Variants in TTC7B observed in about 807,000 individuals in gnomAD.
The protein encoded by TTC7B is tetratricopeptide repeat protein 7B.
Under a neutral mutation model 106.8 loss-of-function variants are expected in TTC7B, and 28 were observed. The ratio of observed to expected loss-of-function variants is 0.26; its 90% CI spans 0.19 to 0.36. The LOEUF is 0.36. Among genes scored for constraint, TTC7B ranks in the 10% least tolerant of loss-of-function variants. The probability of loss-of-function intolerance (pLI) is 1.00; values close to 1 mark genes in which losing one functional copy is unlikely to be tolerated. For missense variants in TTC7B, 862 were observed against 1,076.4 expected, an observed-to-expected ratio of 0.80 and a Z score of 2.79; for synonymous variants, 405 against 430.6, an observed-to-expected ratio of 0.94 and a Z score of 0.74.
At chr14:90,660,035 T>C (rs1371848612) in intron 9 of TTC7B, among the ~76,000 whole-genome samples, 4 of 151,524 alleles carry the variant, frequency 2.6e-5, no homozygotes, top group African/African-American at 9.7e-5. Context: ...TCTGTAAAGA[T>C]GGAATGAGGT....
intron 7 of TTC7B, among the ~76,000 whole-genome samples, 171 bp downstream of exon 7, chr14:90,689,369 G>A (rs1887375497): frequency 6.6e-6 from 1 of 152,208 alleles, no homozygotes; most frequent in Admixed American, 6.5e-5. Context: ...ACAGATATTT[G>A]CTGAAGTTAC....
Position 90,541,116 on chromosome 14 carries a change from T to C in TTC7B, c.*252A>G, listed in dbSNP as rs547162463. On this transcript the variant is annotated 3_prime_UTR_variant, in exon 20 of 20. Coordinates refer to ENST00000328459, the MANE Select transcript of TTC7B (RefSeq NM_001010854.2). ...AAAACTCAGATGTCAACTAACAAAATATGGCACATGATCCATTTTGAACAA... is the reference window on the plus strand; with the variant it reads ...AAAACTCAGATGTCAACTAACAAAACATGGCACATGATCCATTTTGAACAA... The C allele has an allele frequency of 9.7e-6, 4 of 412,322 alleles. No individual in the cohort carries two copies. Among genetic ancestry groups the C allele is most frequent in the African/African-American group, 8.0e-5 (4 of 49,982 alleles). 25.5% of individuals were successfully genotyped at this position (412,322 alleles called of 1,614,324 possible).
intron 18 of TTC7B, among the ~76,000 whole-genome samples, chr14:90,581,628 T>C (rs1200923430): frequency 1.3e-5 from 2 of 152,040 alleles, no homozygotes; most frequent in Non-Finnish European, 2.9e-5. Context: ...GGAGATGCTG[T>C]GGGCTGGTGA....
At chr14:90,801,046 G>A (rs562744647) in intron 1 of TTC7B, among the ~76,000 whole-genome samples, 2 of 150,218 alleles carry the variant, frequency 1.3e-5, no homozygotes, top group African/African-American at 4.9e-5. Context: ...CACGCATAGT[G>A]AGACCTTGTC....
intron 19 of TTC7B, among the ~76,000 whole-genome samples, chr14:90,568,555 G>C (rs1019775659): frequency 6.6e-6 from 1 of 152,128 alleles, no homozygotes; most frequent in African/African-American, 2.4e-5. Flanking sequence ...AAAAGGCACC[G>C]CATGCTTGCA....
chr14:90,803,068 G>A (rs1371347870), intron 1 of TTC7B, among the ~76,000 whole-genome samples: 6 of 151,690 alleles, frequency 4.0e-5, no homozygotes, highest in Admixed American at 3.3e-4. Context: ...GCTTGAAACC[G>A]GGAGGCAGAG....
rs564094658 is a variant in TTC7B, at chr14:90,530,511, G to A, written c.*10857C>T. ...GCTGTGCAGATGCCATTTGATGAGGGATCTTCAGATGGGGAGAGTGTCTTG... is the reference window on the plus strand; with the variant it reads ...GCTGTGCAGATGCCATTTGATGAGGAATCTTCAGATGGGGAGAGTGTCTTG... On this transcript the variant is annotated 3_prime_UTR_variant, in exon 20 of 20. Coordinates refer to ENST00000328459, the MANE Select transcript of TTC7B (RefSeq NM_001010854.2). The A allele has an allele frequency of 1.1e-4, 17 of 152,330 alleles. No individual in the cohort carries two copies. The highest frequency in any genetic ancestry group is 4.1e-4 in the African/African-American group (17 of 41,562). The allele number at this position is 152,330 out of a possible 1,614,324, so 9.4% of individuals were successfully genotyped here.
At chr14:90,708,117 G>A (rs1177554556) in intron 5 of TTC7B, among the ~76,000 whole-genome samples, 1 of 129,726 alleles carries the variant, frequency 7.7e-6, no homozygotes, top group Non-Finnish European at 1.5e-5. Context: ...CTGCACTCCA[G>A]CCCAGGCGAC....
At position 90,736,309 on chromosome 14, in the gene TTC7B, G is replaced by T. The variant is rs190867986; in HGVS notation, c.577-6113C>A. Among the ~76,000 whole-genome samples, 148 of 152,088 alleles carry T rather than the reference G, an allele frequency of 9.7e-4. 1 individual carries two copies. Among genetic ancestry groups the T allele is most frequent in the African/African-American group, 3.5e-3 (145 of 41,468 alleles). Reference sequence around the variant, plus strand: ...AAAAAAGGGGAGGAGGTCGGGTGCAGTGCCTGTAATCACAGCACTTTGGGA... The same window carrying T: ...AAAAAAGGGGAGGAGGTCGGGTGCATTGCCTGTAATCACAGCACTTTGGGA... On this transcript the variant is annotated intron_variant, in intron 4 of 19. Transcript: ENST00000328459.
At chr14:90,585,950 G>A (rs773260754) in intron 18 of TTC7B, among the ~76,000 whole-genome samples, 35 of 152,174 alleles carry the variant, frequency 2.3e-4, no homozygotes, top group African/African-American at 8.0e-4. Flanking sequence ...ACCTCTCAGC[G>A]GCACTGCCCA....
intron 5 of TTC7B, among the ~76,000 whole-genome samples, chr14:90,709,873 G>A (rs926666097): frequency 8.8e-5 from 13 of 148,454 alleles, no homozygotes; most frequent in Non-Finnish European, 1.9e-4. Flanking sequence ...AATCTAACCA[G>A]TGGCAAATCC....
At chr14:90,736,368 C>T (rs943290704) in intron 4 of TTC7B, among the ~76,000 whole-genome samples, 1 of 151,792 alleles carries the variant, frequency 6.6e-6, no homozygotes, top group Non-Finnish European at 1.5e-5. Context: ...GTCAGGAGTT[C>T]GAGAACAGCC....
rs1443484967 is a variant in TTC7B, at chr14:90,608,080, T to A, written c.1966+2662A>T. Reference sequence around the variant, plus strand: ...GGGAATAAACAATCTGTGTTGTGGGTGGTTCGCAAGGCGGGCTCTCCACAC... The same window carrying A: ...GGGAATAAACAATCTGTGTTGTGGGAGGTTCGCAAGGCGGGCTCTCCACAC... On this transcript the variant is annotated intron_variant, in intron 17 of 19. Coordinates refer to ENST00000328459, the MANE Select transcript of TTC7B (RefSeq NM_001010854.2). The surrounding 1 kb of genome is among the most constrained non-coding windows in gnomAD (Gnocchi z 5.1). Among the ~76,000 whole-genome samples the A allele has an allele frequency of 6.6e-6, 1 of 151,642 alleles. No individual in the cohort carries two copies. Among genetic ancestry groups the A allele is most frequent in the African/African-American group, 2.4e-5 (1 of 41,198 alleles).
intron 9 of TTC7B, among the ~76,000 whole-genome samples, chr14:90,669,578 T>A (rs1245571625): frequency 6.7e-6 from 1 of 149,710 alleles, no homozygotes; most frequent in African/African-American, 2.4e-5. Flanking sequence ...AAAATATAGC[T>A]GACCAGAGTT....
chr14:90,695,076 T>TTTTATTTTATTATAAAA (rs1555390609), intron 6 of TTC7B, among the ~76,000 whole-genome samples: 1 of 128,434 alleles, frequency 7.8e-6, no homozygotes, highest in African/African-American at 2.9e-5. Context: ...ATAAAATATA[T>TTTTATTTTATTATAAAA]TTTATTTTAT....
intron 15 of TTC7B, among the ~76,000 whole-genome samples, chr14:90,626,404 C>T (rs1206419184): frequency 6.6e-6 from 1 of 152,208 alleles, no homozygotes; most frequent in Non-Finnish European, 1.5e-5. Context: ...CCCTGGATCA[C>T]ATTCTGAAGG....
chr14:90,535,312 GC>G lies in TTC7B; in HGVS notation c.*6055del, dbSNP rs1043942428. 1.1e-4 allele frequency: 17 copies of G among 152,672 alleles called. No homozygotes were observed. Among genetic ancestry groups the G allele is most frequent in the African/African-American group, 4.1e-4 (17 of 41,548 alleles). 9.5% of individuals were successfully genotyped at this position (152,672 alleles called of 1,614,324 possible). A position where few individuals can be genotyped will look rare whatever the true frequency, so the allele number is the denominator to read the frequency against. ...AGTGGGGCGGCTCCTTCAAAGAAGG[GC>G]CTCCTCCCTCCTCTGCCTCCTCCTT... On this transcript the variant is annotated 3_prime_UTR_variant, in exon 20 of 20. Coordinates refer to ENST00000328459, the MANE Select transcript of TTC7B (RefSeq NM_001010854.2).
At chr14:90,556,414 G>C (rs1421444106) in intron 19 of TTC7B, among the ~76,000 whole-genome samples, 1 of 152,142 alleles carries the variant, frequency 6.6e-6, no homozygotes, top group Admixed American at 6.5e-5. Flanking sequence ...GGGGAAGCTT[G>C]GGTCCTGCTG....
At position 90,536,371 on chromosome 14, in the gene TTC7B, C is replaced by T. The variant is rs1889420061; in HGVS notation, c.*4997G>A. The T allele has an allele frequency of 6.5e-6, 1 of 153,258 alleles. No individual in the cohort carries two copies. The highest frequency in any genetic ancestry group is 6.5e-5 in the Admixed American group (1 of 15,292). The allele number at this position is 153,258 out of a possible 1,614,324, so 9.5% of individuals were successfully genotyped here. A position where few individuals can be genotyped will look rare whatever the true frequency, so the allele number is the denominator to read the frequency against. On this transcript the variant is annotated 3_prime_UTR_variant, in exon 20 of 20. Transcript: ENST00000328459. The stretch of plus-strand genomic sequence containing the variant: ...ATGGCTCCCAGCCCCGCATCCCTGA[C>T]ACCTCCCACACTCTCGCCTCATCTT...
Sources: gnomAD v4.1 joint callset for allele counts (sites outside exome capture counted in the v4.1 genomes callset) on GRCh38, gnomAD v4.1.1 for gene constraint, Gnocchi (gnomAD v3.1) non-coding constraint, MANE v1.5 for transcripts, NCBI Gene and HGNC (gene_info 2026-07-23, HGNC 2026-07-21) for gene names.